The following NRG3 variants were observed in gnomAD, a reference collection of about 807,000 sequenced individuals.
NRG3 encodes neuregulin 3, also known as pro-neuregulin-3, membrane-bound isoform.
A neutral mutation model predicts 66.9 loss-of-function variants in NRG3; 31 were observed. The observed-to-expected ratio is 0.46, with a 90% CI of 0.35 to 0.63. The LOEUF (loss-of-function observed/expected upper bound fraction) is 0.63, where lower values mean the gene tolerates loss of function less well. NRG3 is among the 20% of genes least tolerant of loss of function. The pLI is 0.00. For missense variants in NRG3, 910 were observed against 878.9 expected (o/e 1.04, Z -0.45); for synonymous variants, 393 against 359.4 (o/e 1.09, Z -1.06).
At chr10:82,624,336 A>C (rs2049258093) in intron 2 of NRG3, among the ~76,000 whole-genome samples, 1 of 152,156 alleles carries the variant, frequency 6.6e-6, no homozygotes, top group Non-Finnish European at 1.5e-5. Context: ...AACAATGCAG[A>C]TTTATATTTA....
chr10:82,986,522 T>C lies in NRG3; in HGVS notation c.*917T>C, dbSNP rs1175115011. 4 of 152,218 alleles carry C rather than the reference T, an allele frequency of 2.6e-5. No homozygotes were observed. The highest frequency in any genetic ancestry group is 5.9e-5 in the Non-Finnish European group (4 of 68,036). The allele number at this position is 152,218 out of a possible 1,614,324, so 9.4% of individuals were successfully genotyped here. On this transcript the variant is annotated 3_prime_UTR_variant, in exon 9 of 9. Coordinates refer to ENST00000372141, the MANE Select transcript of NRG3 (RefSeq NM_001010848.4). ...TCTGAAACATCAGGGAATCTACTATTCAGAAAAATTATTTCCCTCTTAGAT... is the reference window on the plus strand; with the variant it reads ...TCTGAAACATCAGGGAATCTACTATCCAGAAAAATTATTTCCCTCTTAGAT...
chr10:82,185,164 G>A (rs1490067082), intron 1 of NRG3, among the ~76,000 whole-genome samples: 1 of 152,018 alleles, frequency 6.6e-6, no homozygotes, highest in Admixed American at 6.6e-5. Flanking sequence ...ACTCTTTTGA[G>A]CTTTTTTTTC....
chr10:82,150,099 C>T (rs1484963662), intron 1 of NRG3, among the ~76,000 whole-genome samples: 3 of 152,090 alleles, frequency 2.0e-5, no homozygotes, highest in Non-Finnish European at 4.4e-5. Context: ...TACCCCTGGA[C>T]CACCCTACTG....
chr10:82,084,929 G>A (rs541399449), intron 1 of NRG3, among the ~76,000 whole-genome samples: 2 of 152,214 alleles, frequency 1.3e-5, no homozygotes, highest in Non-Finnish European at 2.9e-5. Flanking sequence ...GAAAGTGTGC[G>A]TATGGAGTAG....
At chr10:82,076,257 C>T (rs2065083845) in intron 1 of NRG3, among the ~76,000 whole-genome samples, 2 of 152,200 alleles carry the variant, frequency 1.3e-5, no homozygotes, top group South Asian at 4.2e-4. Context: ...AAACTGTGTC[C>T]CGCGTAACTG....
intron 1 of NRG3, among the ~76,000 whole-genome samples, chr10:82,095,879 G>T (rs1359509956): frequency 6.6e-6 from 1 of 152,186 alleles, no homozygotes; most frequent in Non-Finnish European, 1.5e-5. Flanking sequence ...AGTAAACTGA[G>T]CACTTCAACG....
chr10:82,954,475 C>T (rs1435747736), intron 5 of NRG3, among the ~76,000 whole-genome samples: 2 of 151,868 alleles, frequency 1.3e-5, no homozygotes, highest in East Asian at 3.9e-4. Context: ...GCTCAGAGGA[C>T]TGCACAGAAG....
chr10:82,087,535 C>T (rs916289286), intron 1 of NRG3, among the ~76,000 whole-genome samples: 1 of 152,118 alleles, frequency 6.6e-6, no homozygotes, highest in African/African-American at 2.4e-5. Context: ...TACAGGTGGA[C>T]TCAGCACCAT....
chr10:82,921,090 C>A (rs933274550), intron 4 of NRG3, among the ~76,000 whole-genome samples: 1 of 151,658 alleles, frequency 6.6e-6, no homozygotes, highest in Non-Finnish European at 1.5e-5. Context: ...AATTGAGAAA[C>A]CTGACAAGCA....
intron 3 of NRG3, among the ~76,000 whole-genome samples, chr10:82,779,974 T>G (rs2060055866): frequency 6.6e-6 from 1 of 151,946 alleles, no homozygotes; most frequent in Non-Finnish European, 1.5e-5. Flanking sequence ...ATGTGGTGTT[T>G]GGTTTTCTGT....
At chr10:82,571,881 A>G (rs978223707) in intron 2 of NRG3, among the ~76,000 whole-genome samples, 1 of 151,712 alleles carries the variant, frequency 6.6e-6, no homozygotes, top group Non-Finnish European at 1.5e-5. Flanking sequence ...ATTTTTCTTG[A>G]AAGATACATT....
chr10:82,711,074 T>G (rs2056636149), intron 2 of NRG3, among the ~76,000 whole-genome samples: 1 of 152,168 alleles, frequency 6.6e-6, no homozygotes, highest in South Asian at 2.1e-4. Context: ...GCTCAGCAGA[T>G]TGATTAATTG....
intron 3 of NRG3, among the ~76,000 whole-genome samples, chr10:82,820,412 A>G (rs1223902008): frequency 6.6e-6 from 1 of 152,040 alleles, no homozygotes; most frequent in Non-Finnish European, 1.5e-5. Context: ...CTGGCCCTTA[A>G]TTTAGAGTGG....
At chr10:82,030,858 A>C (rs950107309) in intron 1 of NRG3, among the ~76,000 whole-genome samples, 14 of 152,132 alleles carry the variant, frequency 9.2e-5, no homozygotes, top group African/African-American at 3.1e-4. Context: ...AGCTCAATTC[A>C]CTAGGAATGG....
intron 1 of NRG3, among the ~76,000 whole-genome samples, chr10:82,028,905 C>G (rs968304030): frequency 6.6e-6 from 1 of 152,032 alleles, no homozygotes; most frequent in Admixed American, 6.6e-5. Context: ...GTTGAAAAGT[C>G]ATCAGAATCA....
chr10:82,566,079 G>A (rs1425862482), intron 2 of NRG3, among the ~76,000 whole-genome samples: 3 of 151,974 alleles, frequency 2.0e-5, no homozygotes, highest in Admixed American at 1.3e-4. Flanking sequence ...TGAAAAAATA[G>A]GATAATGCAT....
intron 1 of NRG3, among the ~76,000 whole-genome samples, chr10:82,287,808 T>C (rs977517980): frequency 5.3e-5 from 8 of 152,212 alleles, no homozygotes; most frequent in Admixed American, 3.3e-4. Context: ...CCGACCTATA[T>C]GGTGACCATT....
At chr10:82,850,142 G>A (rs2063494353) in intron 3 of NRG3, among the ~76,000 whole-genome samples, 1 of 152,166 alleles carries the variant, frequency 6.6e-6, no homozygotes, top group Non-Finnish European at 1.5e-5. Flanking sequence ...ACAGAGGAAT[G>A]GAGACAAGTT....
At chr10:81,987,711 G>A (rs1174799014) in intron 1 of NRG3, among the ~76,000 whole-genome samples, 1 of 152,180 alleles carries the variant, frequency 6.6e-6, no homozygotes, top group East Asian at 1.9e-4. Context: ...TATGTGACTA[G>A]GAAATTATCA....
Sources: gnomAD v4.1 joint callset for allele counts (sites outside exome capture counted in the v4.1 genomes callset) on GRCh38, gnomAD v4.1.1 for gene constraint, MANE v1.5 for transcripts, NCBI Gene and HGNC (gene_info 2026-07-23, HGNC 2026-07-21) for gene names.